ENTPD1: variants seen among roughly 807,000 people sequenced by gnomAD.
ENTPD1 encodes ectonucleoside triphosphate diphosphohydrolase 1.
Under a neutral mutation model 57.0 loss-of-function variants are expected in ENTPD1, and 33 were observed. The ratio of observed to expected loss-of-function variants is 0.58; its 90% CI spans 0.44 to 0.77. The LOEUF is 0.77. ENTPD1 is among the 30% of genes least tolerant of loss of function. The probability of loss-of-function intolerance (pLI) is 0.00; values close to 1 mark genes in which losing one functional copy is unlikely to be tolerated. For missense variants in ENTPD1, 501 were observed against 603.4 expected, an observed-to-expected ratio of 0.83 and a Z score of 1.78; for synonymous variants, 202 against 218.8, an observed-to-expected ratio of 0.92 and a Z score of 0.68.
chr10:95,716,841 T>C (rs574307310), intron 1 of ENTPD1, among the ~76,000 whole-genome samples: 26 of 152,382 alleles, frequency 1.7e-4, no homozygotes, highest in African/African-American at 6.0e-4. Flanking sequence ...ATATCCTTGC[T>C]GAGCGTGACA....
chr10:95,852,007 T>C (rs1288328846), intron 7 of ENTPD1, among the ~76,000 whole-genome samples: 1 of 152,236 alleles, frequency 6.6e-6, no homozygotes, highest in Non-Finnish European at 1.5e-5. Flanking sequence ...ATCGCCACAC[T>C]GTCTTCCATA....
intron 1 of ENTPD1, among the ~76,000 whole-genome samples, chr10:95,760,343 A>T (rs1412313117): frequency 1.3e-5 from 2 of 152,172 alleles, no homozygotes; most frequent in African/African-American, 4.8e-5. Context: ...GTGCTTGAAG[A>T]TCTTTTCTCT....
intron 1 of ENTPD1, among the ~76,000 whole-genome samples, chr10:95,806,465 T>C (rs955687557): frequency 9.2e-5 from 14 of 152,196 alleles, no homozygotes; most frequent in African/African-American, 3.1e-4. Flanking sequence ...TTGTTATTAC[T>C]AACCTTCTGA....
intron 1 of ENTPD1, among the ~76,000 whole-genome samples, chr10:95,715,473 A>G (rs980756749): frequency 6.7e-6 from 1 of 150,024 alleles, no homozygotes; most frequent in Non-Finnish European, 1.5e-5. Context: ...ATGTAGTTAG[A>G]TCTTGTTTTT....
chr10:95,761,120 G>A (rs1589708840), intron 1 of ENTPD1, among the ~76,000 whole-genome samples: 3 of 152,126 alleles, frequency 2.0e-5, no homozygotes, highest in East Asian at 3.9e-4. Context: ...GTGAGCCACC[G>A]CGCCCAGCCA....
At chr10:95,843,840 C>A (rs2098427484) in intron 4 of ENTPD1, among the ~76,000 whole-genome samples, 2 of 152,184 alleles carry the variant, frequency 1.3e-5, no homozygotes, top group Admixed American at 1.3e-4. Context: ...CAGAGACTCC[C>A]AGTGTTGGGT....
chr10:95,699,898 G>A, the ENTPD1 span, among the ~76,000 whole-genome samples: 1 of 152,192 alleles, frequency 6.6e-6, no homozygotes, highest in East Asian at 1.9e-4. Context: ...AAAGGAGACA[G>A]CTGCCTTCCA....
chr10:95,715,904 A>C (rs4918963), intron 1 of ENTPD1, among the ~76,000 whole-genome samples: 24,108 of 151,996 alleles, frequency 0.16, 2,737 homozygotes, highest in East Asian at 0.57. Flanking sequence ...TCATTCTGTC[A>C]CTCAGGCTGA....
intron 3 of ENTPD1, 42 bp from the exon 4 acceptor site, chr10:95,842,302 A>ATT: frequency 3.9e-6 from 6 of 1,536,980 alleles, no homozygotes; most frequent in Non-Finnish European, 5.4e-6. Context: ...ATGTTTTATA[A>ATT]TTTTTTTTTA....
intron 1 of ENTPD1, among the ~76,000 whole-genome samples, chr10:95,757,432 A>G (rs901749658): frequency 1.3e-5 from 2 of 151,484 alleles, no homozygotes; most frequent in African/African-American, 4.9e-5. Flanking sequence ...GGGCTTTTCC[A>G]CTCCCCAATA....
At position 95,845,369 on chromosome 10, in the gene ENTPD1, T is replaced by G; in HGVS notation, c.586T>G (p.Phe196Val). The G allele has an allele frequency of 6.2e-7, 1 of 1,614,196 alleles. No homozygotes were observed. Among genetic ancestry groups the G allele is most frequent in the Middle Eastern group, 1.6e-4 (1 of 6,062 alleles). Reference protein sequence around the residue: ...LGKFSQKTRWFSIVPYETNNQ... With the variant: ...LGKFSQKTRWVSIVPYETNNQ... ...TACTGTCTTTCAGAAAACAAGGTGG[T>G]TCAGCATAGTCCCATATGAAACCAA... The change falls in exon 6 of 10, where the codon TTC becomes GTC. Residue 196 changes from phenylalanine to valine, a missense_variant. Coordinates refer to ENST00000371205, the MANE Select transcript of ENTPD1 (RefSeq NM_001776.6).
chr10:95,739,469 A>T (rs2139871363), intron 1 of ENTPD1, among the ~76,000 whole-genome samples: 1 of 152,330 alleles, frequency 6.6e-6, no homozygotes, highest in Non-Finnish European at 1.5e-5. Flanking sequence ...CCAGGAATAG[A>T]TTCCATCTCA....
At chr10:95,766,795 TA>T (rs1443106619) in intron 1 of ENTPD1, among the ~76,000 whole-genome samples, 2 of 152,216 alleles carry the variant, frequency 1.3e-5, no homozygotes, top group Admixed American at 1.3e-4. Flanking sequence ...CTTTTTGCTA[TA>T]CAGACTCTGG....
At chr10:95,859,955 G>T (rs756212721) in intron 7 of ENTPD1, among the ~76,000 whole-genome samples, 5 of 152,014 alleles carry the variant, frequency 3.3e-5, no homozygotes, top group Non-Finnish European at 5.9e-5. Flanking sequence ...ATAGTACCTA[G>T]CCCATAGTAG....
chr10:95,710,578 A>C (rs1443877961), upstream of ENTPD1, among the ~76,000 whole-genome samples: 1 of 152,256 alleles, frequency 6.6e-6, no homozygotes, highest in African/African-American at 2.4e-5. Context: ...AGAGATTAAT[A>C]AACAATGAAT....
chr10:95,831,876 T>C (rs2098397662), intron 2 of ENTPD1, among the ~76,000 whole-genome samples: 1 of 152,266 alleles, frequency 6.6e-6, no homozygotes, highest in Non-Finnish European at 1.5e-5. Flanking sequence ...TTTGTTTGCA[T>C]TTTATTTATT....
chr10:95,829,881 A>G (rs2098390909), intron 2 of ENTPD1, among the ~76,000 whole-genome samples: 1 of 152,110 alleles, frequency 6.6e-6, no homozygotes, highest in Non-Finnish European at 1.5e-5. Flanking sequence ...TAATCCATTC[A>G]TGGATAAATG....
At chr10:95,805,783 G>A (rs570395443) in intron 1 of ENTPD1, among the ~76,000 whole-genome samples, 3 of 152,282 alleles carry the variant, frequency 2.0e-5, no homozygotes, top group South Asian at 2.1e-4. Context: ...ATTCTAGGTC[G>A]AAAATTCTTT....
rs1362235134 is a variant in ENTPD1, at chr10:95,875,622, T to C, written c.*9239T>C. On this transcript the variant is annotated 3_prime_UTR_variant, in exon 10 of 10. Transcript: ENST00000371205. ...TTTCAGCAATGCCCCACTCTACTGG[T>C]ACTATTAGTCCATTTTCATGCTGCT... 2 of 172,126 alleles carry C rather than the reference T, an allele frequency of 1.2e-5. No individual in the cohort carries two copies. The highest frequency in any genetic ancestry group is 2.4e-5 in the African/African-American group (1 of 41,776). The allele number at this position is 172,126 out of a possible 1,614,324, so 10.7% of individuals were successfully genotyped here. A position where few individuals can be genotyped will look rare whatever the true frequency, so the allele number is the denominator to read the frequency against.
Sources: gnomAD v4.1 joint callset for allele counts (sites outside exome capture counted in the v4.1 genomes callset) on GRCh38, gnomAD v4.1.1 for gene constraint, MANE v1.5 for transcripts, NCBI Gene and HGNC (gene_info 2026-07-23, HGNC 2026-07-21) for gene names.